TENM2: variants seen among roughly 807,000 people sequenced by gnomAD.
The protein encoded by TENM2 is teneurin transmembrane protein 2.
A neutral mutation model predicts 245.2 loss-of-function variants in TENM2; 52 were observed. The ratio of observed to expected loss-of-function variants is 0.21; its 90% CI spans 0.17 to 0.27. TENM2 has a LOEUF of 0.27. TENM2 is among the 10% of genes least tolerant of loss of function. The probability of loss-of-function intolerance (pLI) is 1.00; values close to 1 mark genes in which losing one functional copy is unlikely to be tolerated. For missense variants in TENM2, 3,046 were observed against 3,666.8 expected (o/e 0.83, Z 4.37); for synonymous variants, 1,363 against 1,438.9 (o/e 0.95, Z 1.19).
At chr5:167,829,236 A>G (rs559871464) in intron 2 of TENM2, among the ~76,000 whole-genome samples, 1 of 152,258 alleles carries the variant, frequency 6.6e-6, no homozygotes, top group Non-Finnish European at 1.5e-5. Flanking sequence ...GGAATTAAAA[A>G]TGGAGGTCCC....
chr5:167,234,271 T>A, the TENM2 span, among the ~76,000 whole-genome samples: 1 of 152,188 alleles, frequency 6.6e-6, no homozygotes, highest in Non-Finnish European at 1.5e-5. Flanking sequence ...GAAGTCCTTT[T>A]TTTCTCTTCC....
intron 2 of TENM2, among the ~76,000 whole-genome samples, chr5:167,588,328 G>A (rs1482333022): frequency 1.3e-5 from 2 of 152,162 alleles, no homozygotes; most frequent in Admixed American, 6.5e-5. Context: ...AGTAGTTTGT[G>A]TATCTGCATT....
the TENM2 span, among the ~76,000 whole-genome samples, chr5:167,043,931 A>T: frequency 6.6e-6 from 1 of 151,894 alleles, no homozygotes; most frequent in South Asian, 2.1e-4. Context: ...GAGGCAGGAG[A>T]ATCGCTTGAA....
intron 27 of TENM2, 131 bp downstream of exon 29, chr5:168,248,502 T>C (rs1034631368): frequency 1.1e-6 from 1 of 879,588 alleles, no homozygotes. Context: ...GGCAGTGCAG[T>C]TGGCAGCACT....
At position 167,832,366 on chromosome 5, in the gene TENM2, C is replaced by T. The variant is rs542417660; in HGVS notation, c.503-43620C>T. 2.7e-3 allele frequency among the ~76,000 whole-genome samples: 412 copies of T among 152,302 alleles called. 2 individuals carry two copies. Among genetic ancestry groups the T allele is most frequent in the African/African-American group, 9.4e-3 (391 of 41,574 alleles). ...TGTGCACACACGCATGCTCACAGGC[C>T]CACACGCTTGTCTGTGTAGACCATG... is the stretch of plus-strand genomic sequence containing the variant. On this transcript the variant is annotated intron_variant, in intron 2 of 28. Transcript: ENST00000518659.
At chr5:167,833,490 T>A (rs1018816996) in intron 2 of TENM2, among the ~76,000 whole-genome samples, 2 of 152,182 alleles carry the variant, frequency 1.3e-5, no homozygotes, top group African/African-American at 4.8e-5. Flanking sequence ...CAAAGTCAGA[T>A]CCCATCTGAT....
At chr5:167,828,423 C>G (rs1768172518) in intron 2 of TENM2, among the ~76,000 whole-genome samples, 1 of 152,190 alleles carries the variant, frequency 6.6e-6, no homozygotes. Flanking sequence ...CGATAGTCTG[C>G]ATGTGTATTT....
At chr5:167,455,013 T>C (rs1765828470) in intron 2 of TENM2, among the ~76,000 whole-genome samples, 1 of 152,226 alleles carries the variant, frequency 6.6e-6, no homozygotes, top group Non-Finnish European at 1.5e-5. Flanking sequence ...AAAAAGAGAA[T>C]TTATTCTTTT....
At chr5:167,040,867 C>T in the TENM2 span, among the ~76,000 whole-genome samples, 1 of 152,082 alleles carries the variant, frequency 6.6e-6, no homozygotes, top group Non-Finnish European at 1.5e-5. Flanking sequence ...AACTATACTC[C>T]TGCAGTTTTA....
chr5:168,023,115 T>C (rs1786306254), intron 5 of TENM2, among the ~76,000 whole-genome samples: 1 of 152,186 alleles, frequency 6.6e-6, no homozygotes, highest in Non-Finnish European at 1.5e-5. Context: ...CAGGGTTCTT[T>C]AGAGGCACTG....
intron 1 of TENM2, among the ~76,000 whole-genome samples, chr5:167,312,605 AAAG>A (rs1756104021): frequency 2.0e-5 from 3 of 152,200 alleles, no homozygotes; most frequent in South Asian, 4.1e-4. Flanking sequence ...CGAACAAAAA[AAAG>A]AAATGATTTC....
the TENM2 span, among the ~76,000 whole-genome samples, chr5:166,983,307 A>T: frequency 6.6e-6 from 1 of 152,064 alleles, no homozygotes; most frequent in Non-Finnish European, 1.5e-5. Context: ...CTTTTTATGA[A>T]TTCTTAATGG....
At chr5:167,085,470 C>CT in the TENM2 span, among the ~76,000 whole-genome samples, 1 of 152,130 alleles carries the variant, frequency 6.6e-6, no homozygotes, top group Non-Finnish European at 1.5e-5. Flanking sequence ...CTTTCCTCCA[C>CT]TAACATTACT....
chr5:167,365,431 A>C (rs1339063453), intron 1 of TENM2, among the ~76,000 whole-genome samples: 1 of 151,912 alleles, frequency 6.6e-6, no homozygotes, highest in African/African-American at 2.4e-5. Context: ...TAAGTGCAGA[A>C]ATTAGGGAAA....
intron 2 of TENM2, chr5:167,729,055 C>T (rs976293091): frequency 1.3e-5 from 2 of 152,256 alleles, no homozygotes; most frequent in East Asian, 3.8e-4. Context: ...CTCTTGGGCT[C>T]TGGGCCTCCT....
rs186951726 is a variant in TENM2 at position 167,697,903 on chromosome 5, T to C, written c.503-178083T>C. Among the ~76,000 whole-genome samples the C allele has an allele frequency of 2.5e-3, 381 of 152,322 alleles. 3 individuals are homozygous for C. Among genetic ancestry groups the C allele is most frequent in the African/African-American group, 8.9e-3 (370 of 41,574 alleles). On this transcript the variant is annotated intron_variant, in intron 2 of 28. Coordinates refer to ENST00000518659, the Ensembl canonical transcript of TENM2. ...ATTCTATCACCATCCCTAGCTGTTA[T>C]GCTTAGGTTATTTAACAAAGAAAAA...
intron 13 of TENM2, among the ~76,000 whole-genome samples, chr5:168,165,575 G>A (rs1028545258): frequency 6.9e-6 from 1 of 145,462 alleles, no homozygotes; most frequent in Non-Finnish European, 1.5e-5. Flanking sequence ...TGAAGTGATG[G>A]AGCTAAAAGA....
At chr5:167,606,420 A>G (rs1415908556) in intron 2 of TENM2, among the ~76,000 whole-genome samples, 1 of 151,958 alleles carries the variant, frequency 6.6e-6, no homozygotes, top group Non-Finnish European at 1.5e-5. Context: ...AAAAGGAGGG[A>G]TGGGAAGAGG....
chr5:167,896,797 C>T (rs1775260943), intron 3 of TENM2, among the ~76,000 whole-genome samples: 1 of 152,154 alleles, frequency 6.6e-6, no homozygotes, highest in South Asian at 2.1e-4. Context: ...AGATGGTTCT[C>T]TTAGTCACCT....
Sources: allele counts gnomAD v4.1 joint callset (sites outside exome capture counted in the v4.1 genomes callset), GRCh38; gene constraint gnomAD v4.1.1; transcripts MANE v1.5; gene names NCBI Gene and HGNC (gene_info 2026-07-23, HGNC 2026-07-21).